AKTIP: variants seen among roughly 807,000 people sequenced by gnomAD.
The protein encoded by AKTIP is AKT-interacting protein.
Under a neutral mutation model 39.1 loss-of-function variants are expected in AKTIP, and 16 were observed. The ratio of observed to expected loss-of-function variants is 0.41; its 90% CI spans 0.28 to 0.62. The LOEUF (loss-of-function observed/expected upper bound fraction) is 0.62. Ranked by LOEUF, AKTIP falls within the 20% of genes least tolerant of loss-of-function variation. AKTIP has a pLI of 0.32. For missense variants in AKTIP, 262 were observed against 356.6 expected, an observed-to-expected ratio of 0.73 and a Z score of 2.14; for synonymous variants, 93 against 124.3, an observed-to-expected ratio of 0.75 and a Z score of 1.67.
intron 2 of AKTIP, among the ~76,000 whole-genome samples, chr16:53,499,941 CAAT>C (rs1447951696): frequency 5.3e-5 from 8 of 152,110 alleles, no homozygotes; most frequent in Non-Finnish European, 7.4e-5. Flanking sequence ...TAGAAAACTA[CAAT>C]GTTACAAATT....
Position 53,491,863 on chromosome 16 carries a change from AG to A in AKTIP, c.*548del, listed in dbSNP as rs1961495245. ...AAAAAACAACACAACACTAGGAACA[AG>A]TGTTCTGGTTTCTTCTCACTGAACT... is the stretch of plus-strand genomic sequence containing the variant. On this transcript the variant is annotated 3_prime_UTR_variant, in exon 10 of 10. Coordinates refer to ENST00000394657, the MANE Select transcript of AKTIP (RefSeq NM_022476.4). 6.6e-6 allele frequency: 1 copy of A among 152,668 alleles called. No homozygotes were observed. Among genetic ancestry groups the A allele is most frequent in the Non-Finnish European group, 1.5e-5 (1 of 68,062 alleles). The allele number at this position is 152,668 out of a possible 1,614,324, so 9.5% of individuals were successfully genotyped here.
At chr16:53,497,880 C>T (rs1961935791) in intron 3 of AKTIP, among the ~76,000 whole-genome samples, 1 of 152,234 alleles carries the variant, frequency 6.6e-6, no homozygotes, top group African/African-American at 2.4e-5. Context: ...TCCCGAGTAG[C>T]TGGGATTACA....
At chr16:53,496,085 G>A (rs1961815825) in intron 3 of AKTIP, among the ~76,000 whole-genome samples, 1 of 152,180 alleles carries the variant, frequency 6.6e-6, no homozygotes, top group African/African-American at 2.4e-5. Context: ...CAGCCATTCT[G>A]ATCACATTAA....
chr16:53,499,161 G>A (rs950881416), intron 2 of AKTIP, among the ~76,000 whole-genome samples: 2 of 152,202 alleles, frequency 1.3e-5, no homozygotes, highest in Admixed American at 6.5e-5. Context: ...GTCATCCTTC[G>A]TCAAAGACAA....
intron 8 of AKTIP, 178 bp from the exon 9 acceptor site, chr16:53,492,931 A>T (rs1961584324): frequency 3.3e-6 from 2 of 597,280 alleles, no homozygotes; most frequent in Admixed American, 5.9e-5. Flanking sequence ...TATCCCTCAT[A>T]CATGAATGAT....
upstream of AKTIP, among the ~76,000 whole-genome samples, chr16:53,504,092 T>TC (rs1156366781): frequency 6.9e-6 from 1 of 145,122 alleles, no homozygotes; most frequent in African/African-American, 2.7e-5. Context: ...CCTGGTCTTT[T>TC]TTTTTTTTTT....
intron 1 of AKTIP, among the ~76,000 whole-genome samples, chr16:53,502,491 C>G (rs1450609217): frequency 1.3e-5 from 2 of 152,200 alleles, no homozygotes; most frequent in Non-Finnish European, 2.9e-5. Flanking sequence ...GCTGCTGTTA[C>G]TCTACATGCC....
At chr16:53,500,061 T>C (rs1471968217) in intron 2 of AKTIP, among the ~76,000 whole-genome samples, 157 bp downstream of exon 2, 4 of 152,172 alleles carry the variant, frequency 2.6e-5, no homozygotes, top group Non-Finnish European at 5.9e-5. Flanking sequence ...ACCAACAAAA[T>C]AATTATTTCT....
intron 8 of AKTIP, 86 bp downstream of exon 8, chr16:53,494,052 T>C: frequency 2.9e-6 from 3 of 1,038,336 alleles, no homozygotes; most frequent in Non-Finnish European, 4.5e-6. Context: ...TGCCTTTTTA[T>C]ATCCCTATTC....
intron 3 of AKTIP, among the ~76,000 whole-genome samples, chr16:53,496,627 G>C (rs931778992): frequency 6.6e-6 from 1 of 151,646 alleles, no homozygotes; most frequent in Non-Finnish European, 1.5e-5. Flanking sequence ...GAGGTCAGGA[G>C]TTTGAGACCA....
In AKTIP at chr16:53,500,221, G is replaced by A; in HGVS notation, c.39C>T (p.Arg13=). The change falls in exon 2 of 10, where the codon CGC becomes CGT. Residue 13 remains arginine (R), a synonymous_variant. Transcript: ENST00000394657. The stretch of plus-strand genomic sequence containing the variant: ...TGAATTTATCAACTATACCTACTTT[G>A]CGTACAGAGCTTGTAGACATGCTCC... ...PFWSMSTSSV[R]KRSEGEEKTL... 6.2e-7 allele frequency: 1 copy of A among 1,610,114 alleles called. No homozygotes were observed. Among genetic ancestry groups the A allele is most frequent in the Non-Finnish European group, 8.5e-7 (1 of 1,177,394 alleles).
chr16:53,494,822 T>C, intron 5 of AKTIP: 1 of 710,630 alleles, frequency 1.4e-6, no homozygotes, highest in Non-Finnish European at 2.5e-6. Context: ...CACTAGAGCC[T>C]GAGGGCCACC....
At chr16:53,494,279 CTT>C (rs772281688) in intron 7 of AKTIP, 34 bp from the exon 8 acceptor site, 2 of 1,611,360 alleles carry the variant, frequency 1.2e-6, no homozygotes, top group East Asian at 2.2e-5. Context: ...AAGTTACTAA[CTT>C]AATCTACTTA....
Position 53,499,402 on chromosome 16 carries a change from A to C in AKTIP, c.43-806T>G, listed in dbSNP as rs1962029251. Among the ~76,000 whole-genome samples, 6 of 152,072 alleles carry C rather than the reference A, an allele frequency of 3.9e-5. No individual in the cohort carries two copies. The South Asian group carries it at 1.2e-3, about 31-fold the overall frequency. Reference sequence around the variant, plus strand: ...AGTAAGGAAGAGATGTCATGTATATAGAAAAAAAGTAATAGTGGTGTTTGT... The same window carrying C: ...AGTAAGGAAGAGATGTCATGTATATCGAAAAAAAGTAATAGTGGTGTTTGT... On this transcript the variant is annotated intron_variant, in intron 2 of 9. Coordinates refer to ENST00000394657, the MANE Select transcript of AKTIP (RefSeq NM_022476.4).
chr16:53,503,280 C>G (rs1380218103), upstream of AKTIP: 3 of 130,744 alleles, frequency 2.3e-5, no homozygotes, highest in African/African-American at 8.7e-5. Flanking sequence ...CCCTGCCCTG[C>G]CCTCGGCAGC....
intron 3 of AKTIP, among the ~76,000 whole-genome samples, chr16:53,496,748 C>A (rs1024505322): frequency 6.6e-6 from 1 of 151,920 alleles, no homozygotes; most frequent in Non-Finnish European, 1.5e-5. Flanking sequence ...GCAGGAGAAT[C>A]CAGAGGCAGA....
At position 53,497,924 on chromosome 16, in the gene AKTIP, T is replaced by C. The variant is rs914557883; in HGVS notation, c.248+467A>G. On this transcript the variant is annotated intron_variant, in intron 3 of 9. Transcript: ENST00000394657. The stretch of plus-strand genomic sequence containing the variant: ...CCATCAAACCTGGCTAATTTTTGTA[T>C]TTTTAGTAGAGACGGGGTTTCACCA... Among the ~76,000 whole-genome samples the C allele has an allele frequency of 3.3e-5, 5 of 152,322 alleles. No homozygotes were observed. The East Asian group carries it at 9.6e-4, about 29-fold the overall frequency.
rs1038707484 is a variant in AKTIP, at chr16:53,492,312, TCA to T, written c.*98_*99del. On this transcript the variant is annotated 3_prime_UTR_variant, in exon 10 of 10. Transcript: ENST00000394657. ...GAAAACACTGGCAGTCAGTCATTGTTCACACAGTTTTACTCTTCAGGCAGTCC... is the reference window on the plus strand; with the variant it reads ...GAAAACACTGGCAGTCAGTCATTGTTCACAGTTTTACTCTTCAGGCAGTCC... 12 of 1,018,656 alleles carry T rather than the reference TCA, an allele frequency of 1.2e-5. No individual in the cohort carries two copies. The highest frequency in any genetic ancestry group is 1.8e-5 in the Non-Finnish European group (12 of 671,848). The allele number at this position is 1,018,656 out of a possible 1,614,324, so 63.1% of individuals were successfully genotyped here. A position where few individuals can be genotyped will look rare whatever the true frequency, so the allele number is the denominator to read the frequency against.
intron 2 of AKTIP, among the ~76,000 whole-genome samples, chr16:53,499,124 A>G (rs1409490936): frequency 1.3e-5 from 2 of 152,246 alleles, no homozygotes; most frequent in Non-Finnish European, 1.5e-5. Flanking sequence ...GTATGTTTCA[A>G]CATTTCAAAT....
Sources: gnomAD v4.1 joint callset for allele counts (sites outside exome capture counted in the v4.1 genomes callset) on GRCh38, gnomAD v4.1.1 for gene constraint, MANE v1.5 for transcripts, NCBI Gene and HGNC (gene_info 2026-07-23, HGNC 2026-07-21) for gene names.